Variants in AOPEP observed in about 807,000 individuals in gnomAD.
The protein encoded by AOPEP is aminopeptidase O.
Under a neutral mutation model 98.1 loss-of-function variants are expected in AOPEP, and 77 were observed. The observed-to-expected ratio is 0.78, with a 90% CI of 0.65 to 0.95. AOPEP has a LOEUF of 0.95. Ranked by LOEUF, AOPEP falls within the 40% of genes least tolerant of loss-of-function variation. AOPEP has a pLI of 0.00. For synonymous variants in AOPEP, 346 were observed against 365.3 expected (o/e 0.95, Z 0.60); for missense variants, 1,024 against 1,024.7 (o/e 1.00, Z 0.01).
the AOPEP span, among the ~76,000 whole-genome samples, chr9:95,093,427 G>A: frequency 3.3e-5 from 5 of 152,184 alleles, no homozygotes; most frequent in Non-Finnish European, 7.3e-5. Context: ...CAGAGATGGC[G>A]CTGTCTCCTT....
At chr9:95,130,310 G>GAC in the AOPEP span, among the ~76,000 whole-genome samples, 1 of 152,030 alleles carries the variant, frequency 6.6e-6, no homozygotes, top group Non-Finnish European at 1.5e-5. Flanking sequence ...GAGAGAGAGA[G>GAC]AGAGAGAGAG....
chr9:94,857,515 G>A (rs1489321878), intron 5 of AOPEP, among the ~76,000 whole-genome samples: 4 of 152,184 alleles, frequency 2.6e-5, no homozygotes, highest in South Asian at 4.1e-4. Context: ...GAGATTGAGA[G>A]TATGTTAAAA....
At chr9:95,072,061 T>C (rs2068569909) in intron 14 of AOPEP, among the ~76,000 whole-genome samples, 1 of 152,176 alleles carries the variant, frequency 6.6e-6, no homozygotes, top group South Asian at 2.1e-4. Flanking sequence ...TGTTGGTGGA[T>C]GTTGGGGGAT....
chr9:95,072,839 C>G (rs2068647182), intron 14 of AOPEP, among the ~76,000 whole-genome samples: 1 of 152,196 alleles, frequency 6.6e-6, no homozygotes, highest in African/African-American at 2.4e-5. Context: ...AATGGCCCTT[C>G]TAGGCATGTG....
chr9:95,066,804 A>G (rs554012519), intron 14 of AOPEP, among the ~76,000 whole-genome samples: 25 of 152,302 alleles, frequency 1.6e-4, no homozygotes, highest in Admixed American at 1.4e-3. Flanking sequence ...CCAGGAAACC[A>G]GCAGCATCTC....
At chr9:95,110,821 T>C in the AOPEP span, 6 of 1,149,652 alleles carry the variant, frequency 5.2e-6, no homozygotes, top group Non-Finnish European at 5.4e-6. Flanking sequence ...ATCAAAGCAT[T>C]GCTTCCTGTA....
chr9:95,085,836 A>C (rs111914249), intron 16 of AOPEP: 1 of 1,102,162 alleles, frequency 9.1e-7, no homozygotes, highest in Non-Finnish European at 1.2e-6. Flanking sequence ...GTGTGAAATC[A>C]TGTGGTAGCT....
chr9:95,012,407 G>T (rs1474543604), intron 13 of AOPEP, among the ~76,000 whole-genome samples: 2 of 152,192 alleles, frequency 1.3e-5, no homozygotes, highest in African/African-American at 4.8e-5. Flanking sequence ...AAATGTTAGA[G>T]TTCGGCTGGA....
At chr9:94,992,266 G>A (rs2060938243) in intron 11 of AOPEP, among the ~76,000 whole-genome samples, 1 of 152,224 alleles carries the variant, frequency 6.6e-6, no homozygotes, top group Non-Finnish European at 1.5e-5. Flanking sequence ...GATGGCAGCT[G>A]TCTACTTTTC....
chr9:94,826,894 C>T (rs1218516523), intron 5 of AOPEP, among the ~76,000 whole-genome samples: 1 of 152,080 alleles, frequency 6.6e-6, no homozygotes, highest in African/African-American at 2.4e-5. Context: ...TGCCTGCCTG[C>T]CTGAGCTGTT....
intron 9 of AOPEP, among the ~76,000 whole-genome samples, chr9:94,961,925 A>C (rs2058868423): frequency 1.3e-5 from 2 of 152,098 alleles, no homozygotes; most frequent in South Asian, 4.1e-4. Context: ...TTATTCTCAT[A>C]TGTATTGGAA....
At chr9:95,016,661 T>TA (rs1564527787) in intron 13 of AOPEP, among the ~76,000 whole-genome samples, 2 of 151,816 alleles carry the variant, frequency 1.3e-5, no homozygotes, top group Non-Finnish European at 2.9e-5. Context: ...CACCCAGGCT[T>TA]AAGTCCAATG....
chr9:95,106,329 A>G, the AOPEP span, among the ~76,000 whole-genome samples: 2 of 152,124 alleles, frequency 1.3e-5, no homozygotes, highest in African/African-American at 4.8e-5. Context: ...TTTGTTGTTG[A>G]GTTATAAGAA....
chr9:95,005,900 GTTTATTATC>G (rs977800974), intron 13 of AOPEP: 22 of 543,122 alleles, frequency 4.1e-5, no homozygotes, highest in African/African-American at 3.5e-4. Flanking sequence ...GATCAGCAGT[GTTTATTATC>G]TCAGTGTTAA....
At chr9:94,765,888 C>G (rs1839502471) in intron 2 of AOPEP, among the ~76,000 whole-genome samples, 1 of 152,128 alleles carries the variant, frequency 6.6e-6, no homozygotes, top group Admixed American at 6.5e-5. Context: ...TTGCCTGTAT[C>G]ATTCAGATAC....
chr9:95,057,923 G>A (rs1207035738), intron 13 of AOPEP, among the ~76,000 whole-genome samples: 2 of 152,152 alleles, frequency 1.3e-5, no homozygotes, highest in Non-Finnish European at 2.9e-5. Flanking sequence ...ATACCTGAGG[G>A]GAGTGTCCAT....
At chr9:94,884,772 G>A (rs1327030811) in intron 5 of AOPEP, among the ~76,000 whole-genome samples, 2 of 151,976 alleles carry the variant, frequency 1.3e-5, no homozygotes, top group Admixed American at 6.5e-5. Flanking sequence ...AGCACTTTGG[G>A]AGGCCGAGGC....
At chr9:94,745,531 T>C (rs1023058252) in intron 1 of AOPEP, among the ~76,000 whole-genome samples, 10 of 152,166 alleles carry the variant, frequency 6.6e-5, no homozygotes, top group African/African-American at 2.4e-4. Flanking sequence ...TGCCTCAGCC[T>C]CCCAAAGTGC....
intron 5 of AOPEP, among the ~76,000 whole-genome samples, chr9:94,861,784 C>T (rs993120440): frequency 1.3e-5 from 2 of 152,206 alleles, no homozygotes; most frequent in Admixed American, 1.3e-4. Context: ...CCTGGTGCAG[C>T]CTGGATTCCA....
Sources: allele counts gnomAD v4.1 joint callset (sites outside exome capture counted in the v4.1 genomes callset), GRCh38; gene constraint gnomAD v4.1.1; transcripts MANE v1.5; gene names NCBI Gene and HGNC (gene_info 2026-07-23, HGNC 2026-07-21).